Variants in CAMTA1 observed in about 807,000 individuals in gnomAD.
The protein encoded by CAMTA1 is calmodulin binding transcription activator 1.
A neutral mutation model predicts 170.9 loss-of-function variants in CAMTA1; 27 were observed. The observed-to-expected ratio is 0.16, with a 90% confidence interval of 0.12 to 0.22. The LOEUF is 0.22. CAMTA1 is among the 10% of genes least tolerant of loss of function. CAMTA1 has a pLI of 1.00. For synonymous variants in CAMTA1, 833 were observed against 891.5 expected (o/e 0.93, Z 1.17); for missense variants, 1,619 against 2,217.2 (o/e 0.73, Z 5.42).
chr1:7,553,773 T>C (rs962758908), intron 6 of CAMTA1, among the ~76,000 whole-genome samples: 4 of 145,574 alleles, frequency 2.7e-5, no homozygotes, highest in African/African-American at 1.0e-4. Context: ...ATCAAGAGCT[T>C]GGATTCAAAG....
intron 4 of CAMTA1, among the ~76,000 whole-genome samples, chr1:7,107,845 G>A (rs940276016): frequency 3.9e-5 from 6 of 152,190 alleles, no homozygotes; most frequent in Non-Finnish European, 7.3e-5. Flanking sequence ...AAGCCTGTTT[G>A]TCCCACTGCA....
At chr1:7,390,845 A>G (rs1244599152) in intron 5 of CAMTA1, among the ~76,000 whole-genome samples, 1 of 152,182 alleles carries the variant, frequency 6.6e-6, no homozygotes, top group Non-Finnish European at 1.5e-5. Context: ...ACTCCACACC[A>G]AGCACTGGGG....
At chr1:7,103,554 CACACAT>C (rs2148279268) in intron 4 of CAMTA1, among the ~76,000 whole-genome samples, 1 of 30,504 alleles carries the variant, frequency 3.3e-5, no homozygotes, top group African/African-American at 3.3e-4. Context: ...GTACACACTA[CACACAT>C]ACACACAACA....
At chr1:7,318,889 G>C (rs1312239060) in intron 5 of CAMTA1, among the ~76,000 whole-genome samples, 1 of 152,224 alleles carries the variant, frequency 6.6e-6, no homozygotes, top group Non-Finnish European at 1.5e-5. Context: ...GAATGGAGGT[G>C]GGTGAAGGTG....
chr1:7,568,296 TCACCATCACCAC>T (rs2095070479), intron 6 of CAMTA1, among the ~76,000 whole-genome samples: 1 of 141,416 alleles, frequency 7.1e-6, no homozygotes, highest in African/African-American at 2.8e-5. Context: ...CATCACCACA[TCACCATCACCAC>T]CACCATCCCT....
chr1:7,042,457 G>A (rs904792044), intron 3 of CAMTA1, among the ~76,000 whole-genome samples: 3 of 152,234 alleles, frequency 2.0e-5, no homozygotes, highest in African/African-American at 4.8e-5. Context: ...AGCAGCTGGA[G>A]CAGGGCTGGT....
At chr1:7,188,462 T>C (rs1251152661) in intron 4 of CAMTA1, among the ~76,000 whole-genome samples, 1 of 152,202 alleles carries the variant, frequency 6.6e-6, no homozygotes, top group Non-Finnish European at 1.5e-5. Flanking sequence ...CATTAAACAG[T>C]AACTCCCTCC....
At chr1:7,235,042 C>A (rs922612419) in intron 4 of CAMTA1, among the ~76,000 whole-genome samples, 2 of 152,052 alleles carry the variant, frequency 1.3e-5, no homozygotes, top group African/African-American at 4.8e-5. Context: ...CTGCCTCAGG[C>A]TCCCAAAGTG....
intron 6 of CAMTA1, among the ~76,000 whole-genome samples, chr1:7,523,631 C>T (rs2094394377): frequency 6.6e-6 from 1 of 151,994 alleles, no homozygotes; most frequent in East Asian, 1.9e-4. Context: ...ATAATCCCAG[C>T]ACTTTGGGAG....
chr1:7,605,662 C>T (rs898932158), intron 6 of CAMTA1, among the ~76,000 whole-genome samples: 9 of 152,230 alleles, frequency 5.9e-5, no homozygotes, highest in Non-Finnish European at 1.5e-5. Flanking sequence ...CCTGCTTCAG[C>T]TCATGCTTGG....
At chr1:7,175,440 G>A (rs1650591879) in intron 4 of CAMTA1, among the ~76,000 whole-genome samples, 1 of 152,152 alleles carries the variant, frequency 6.6e-6, no homozygotes, top group Non-Finnish European at 1.5e-5. Context: ...TTGGCCACAC[G>A]CTCGCATGAT....
At chr1:7,104,130 A>T (rs117979474) in intron 4 of CAMTA1, among the ~76,000 whole-genome samples, 1 of 83,654 alleles carries the variant, frequency 1.2e-5, no homozygotes, top group Non-Finnish European at 2.6e-5. Flanking sequence ...AACACACATA[A>T]CTACACACGT....
chr1:7,250,365 G>A (rs1174447085), intron 5 of CAMTA1, among the ~76,000 whole-genome samples: 1 of 152,168 alleles, frequency 6.6e-6, no homozygotes, highest in African/African-American at 2.4e-5. Context: ...TGGCCTGCTG[G>A]TTAACTAGCA....
intron 3 of CAMTA1, among the ~76,000 whole-genome samples, chr1:6,948,093 C>T (rs368031474): frequency 7.9e-5 from 12 of 152,274 alleles, no homozygotes; most frequent in South Asian, 2.1e-4. Context: ...TAAATCCTAA[C>T]GTCATGTCAG....
intron 4 of CAMTA1, among the ~76,000 whole-genome samples, chr1:7,200,538 C>A (rs547338765): frequency 1.3e-4 from 20 of 152,302 alleles, no homozygotes; most frequent in African/African-American, 4.3e-4. Flanking sequence ...AAGAGTTCTG[C>A]CGTCTTTCTT....
intron 5 of CAMTA1, among the ~76,000 whole-genome samples, chr1:7,272,536 TA>T (rs1669951419): frequency 6.6e-6 from 1 of 151,870 alleles, no homozygotes; most frequent in Non-Finnish European, 1.5e-5. Context: ...GGTATTGGCA[TA>T]AGAATAGACG....
intron 5 of CAMTA1, among the ~76,000 whole-genome samples, chr1:7,309,461 G>A (rs376330191): frequency 2.0e-5 from 3 of 151,284 alleles, no homozygotes; most frequent in African/African-American, 4.8e-5. Flanking sequence ...CACTACGCCC[G>A]GCTAATTTTT....
intron 3 of CAMTA1, among the ~76,000 whole-genome samples, chr1:6,978,113 TA>T (rs905086990): frequency 8.6e-4 from 130 of 151,788 alleles, no homozygotes; most frequent in African/African-American, 3.0e-3. Flanking sequence ...GCTAATGGGT[TA>T]AAAAAAATAG....
intron 6 of CAMTA1, among the ~76,000 whole-genome samples, chr1:7,491,184 G>A (rs1575589937): frequency 1.3e-5 from 2 of 152,012 alleles, no homozygotes; most frequent in African/African-American, 2.4e-5. Flanking sequence ...GACCACCCCC[G>A]GCCTCCATGT....
Sources: gnomAD v4.1 joint callset for allele counts (sites outside exome capture counted in the v4.1 genomes callset) on GRCh38, gnomAD v4.1.1 for gene constraint, MANE v1.5 for transcripts, NCBI Gene and HGNC (gene_info 2026-07-23, HGNC 2026-07-21) for gene names.